NHEJ1: variants seen among roughly 807,000 people sequenced by gnomAD.
The protein encoded by NHEJ1 is non-homologous end-joining factor 1.
Under a neutral mutation model 39.4 loss-of-function variants are expected in NHEJ1, and 22 were observed. The ratio of observed to expected loss-of-function variants is 0.56; its 90% CI spans 0.40 to 0.80. The LOEUF is 0.80. NHEJ1 is among the 30% of genes least tolerant of loss of function. The probability of loss-of-function intolerance (pLI) is 0.00; values close to 1 mark genes in which losing one functional copy is unlikely to be tolerated. For synonymous variants in NHEJ1, 154 were observed against 135.6 expected (o/e 1.14, Z -0.94); for missense variants, 329 against 357.1 (o/e 0.92, Z 0.63).
chr2:219,159,791 G>T (rs1184914237), intron 1 of NHEJ1, among the ~76,000 whole-genome samples: 2 of 95,176 alleles, frequency 2.1e-5, no homozygotes, highest in Non-Finnish European at 5.6e-5. Flanking sequence ...GAATAAAGTC[G>T]CCACTTTCAT....
chr2:219,111,628 G>GACACACACACACAC lies in NHEJ1; in HGVS notation c.589-33436_589-33423dup, dbSNP rs368706049. On this transcript the variant is annotated intron_variant, in intron 5 of 7. Transcript: ENST00000356853. This position sits in a 1 kb window ranked among gnomAD's most constrained non-coding sequence, Gnocchi z 4.1. ...GAATTAAGTCTACAGTGTGAATACAGACACACACACACACACACACACACA... is the reference window on the plus strand; with the variant it reads ...GAATTAAGTCTACAGTGTGAATACAGACACACACACACACACACACACACACACACACACACACA... Among the ~76,000 whole-genome samples the GACACACACACACAC allele has an allele frequency of 0.043, 5,968 of 138,152 alleles. 136 individuals are homozygous for GACACACACACACAC. Among genetic ancestry groups the GACACACACACACAC allele is most frequent in the East Asian group, 0.053 (248 of 4,722 alleles). 90.6% of individuals were successfully genotyped at this position (138,152 alleles called of 152,430 possible).
At chr2:219,154,707 G>A (rs181753074) in intron 3 of NHEJ1, among the ~76,000 whole-genome samples, 1,757 of 151,836 alleles carry the variant, frequency 0.012, 11 homozygotes, top group Non-Finnish European at 0.018. Context: ...AAGCACAATT[G>A]TTCATGAATT....
chr2:219,116,441 TG>T (rs773752362), intron 5 of NHEJ1, among the ~76,000 whole-genome samples: 1 of 152,080 alleles, frequency 6.6e-6, no homozygotes, highest in Non-Finnish European at 1.5e-5. Context: ...ACAGCAGCCT[TG>T]ACCTCCCAGG....
At position 219,105,501 on chromosome 2, in the gene NHEJ1, C is replaced by T. The variant is rs115578702; in HGVS notation, c.589-27295G>A. ...GAGAACAAGGACTTTGCTTTGGTCGCTGCTCTGCCACTGCCTCTAGAACAG... is the reference window on the plus strand; with the variant it reads ...GAGAACAAGGACTTTGCTTTGGTCGTTGCTCTGCCACTGCCTCTAGAACAG... On this transcript the variant is annotated intron_variant, in intron 5 of 7. Transcript: ENST00000356853. Among the ~76,000 whole-genome samples, 867 of 152,326 alleles carry T rather than the reference C, an allele frequency of 5.7e-3. 7 individuals are homozygous for T. The highest frequency in any genetic ancestry group is 0.02 in the African/African-American group (832 of 41,564).
In NHEJ1 at chr2:219,098,345, T is replaced by C. The variant is rs115845964; in HGVS notation, c.589-20139A>G. Among the ~76,000 whole-genome samples the C allele has an allele frequency of 5.1e-3, 769 of 152,274 alleles. 8 individuals are homozygous for C. Among genetic ancestry groups the C allele is most frequent in the Non-Finnish European group, 6.2e-3 (425 of 68,022 alleles). ...TTTAAGGTGGAAGAATAATAGTACATTTGAATACTAATATAACAATCTTAT... is the reference window on the plus strand; with the variant it reads ...TTTAAGGTGGAAGAATAATAGTACACTTGAATACTAATATAACAATCTTAT... On this transcript the variant is annotated intron_variant, in intron 5 of 7. Coordinates refer to ENST00000356853, the MANE Select transcript of NHEJ1 (RefSeq NM_024782.3).
intron 5 of NHEJ1, among the ~76,000 whole-genome samples, chr2:219,113,539 T>G (rs1455028752): frequency 6.6e-6 from 1 of 152,182 alleles, no homozygotes; most frequent in Non-Finnish European, 1.5e-5. Context: ...TTTCTCTGGC[T>G]TTGTCCTTCT....
chr2:219,092,246 A>G (rs1342274492), intron 5 of NHEJ1, among the ~76,000 whole-genome samples: 1 of 151,712 alleles, frequency 6.6e-6, no homozygotes, highest in Non-Finnish European at 1.5e-5. Context: ...GTGAGCTGTG[A>G]TTGTGTCACT....
chr2:219,153,442 A>T (rs1949817082), intron 3 of NHEJ1, among the ~76,000 whole-genome samples: 2 of 152,210 alleles, frequency 1.3e-5, no homozygotes. Flanking sequence ...TGAAAGCTAA[A>T]ATGTGGAATA....
intron 5 of NHEJ1, among the ~76,000 whole-genome samples, chr2:219,092,553 G>A (rs1440552645): frequency 6.6e-6 from 1 of 152,204 alleles, no homozygotes; most frequent in Non-Finnish European, 1.5e-5. Context: ...CTAATATACA[G>A]TGTCTTTTGC....
chr2:219,141,536 A>G (rs971022979), intron 5 of NHEJ1, among the ~76,000 whole-genome samples: 6 of 152,158 alleles, frequency 3.9e-5, no homozygotes. Context: ...GTGACTCCCA[A>G]ATTTCTAGCT....
At chr2:219,120,684 G>T (rs1949463296) in intron 5 of NHEJ1, among the ~76,000 whole-genome samples, 1 of 152,100 alleles carries the variant, frequency 6.6e-6, no homozygotes, top group Non-Finnish European at 1.5e-5. Flanking sequence ...TTATATGCAA[G>T]TATTTCCCCC....
rs1949369453 is a variant in NHEJ1 at position 219,111,905 on chromosome 2, G to A, written c.589-33699C>T. The stretch of plus-strand genomic sequence containing the variant: ...GATGGGGCGAGGCCATGCTTTAGGG[G>A]TGGGGGGATGAATGAGAGGGGCAGG... On this transcript the variant is annotated intron_variant, in intron 5 of 7. Transcript: ENST00000356853. The surrounding 1 kb of genome is among the most constrained non-coding windows in gnomAD (Gnocchi z 4.1). Among the ~76,000 whole-genome samples, 1 of 152,168 alleles carries A rather than the reference G, an allele frequency of 6.6e-6. No individual in the cohort carries two copies. The highest frequency in any genetic ancestry group is 2.1e-4 in the South Asian group (1 of 4,828).
Position 219,075,068 on chromosome 2 carries a change from T to G in NHEJ1, c.*1313A>C, listed in dbSNP as rs1948999927. Among the ~76,000 whole-genome samples the G allele has an allele frequency of 6.6e-6, 1 of 152,192 alleles. No homozygotes were observed. ...CAGTGGGAGACTGGAAAGAAGAACC[T>G]AATGTCCTTTCTGGAAAATAAATGT... On this transcript the variant is annotated 3_prime_UTR_variant, in exon 8 of 8. Coordinates refer to ENST00000356853, the MANE Select transcript of NHEJ1 (RefSeq NM_024782.3).
At chr2:219,104,132 C>G (rs1483321027) in intron 5 of NHEJ1, among the ~76,000 whole-genome samples, 2 of 151,946 alleles carry the variant, frequency 1.3e-5, no homozygotes, top group Non-Finnish European at 2.9e-5. Context: ...TGAACAAAGT[C>G]AGGGTCACCG....
rs1287010840 is a variant in NHEJ1 at position 219,095,880 on chromosome 2, A to G, written c.589-17674T>C. ...AATTGGGCCTAGGTAGAGAAGCTTT[A>G]AAAAAAAAACTGGCAAAGGGTAAGA... On this transcript the variant is annotated intron_variant, in intron 5 of 7. Coordinates refer to ENST00000356853, the MANE Select transcript of NHEJ1 (RefSeq NM_024782.3). Among the ~76,000 whole-genome samples the G allele has an allele frequency of 6.7e-5, 10 of 149,354 alleles. 1 individual carries two copies. Among genetic ancestry groups the G allele is most frequent in the Admixed American group, 6.7e-4 (10 of 14,940 alleles).
chr2:219,119,252 C>T (rs1048844247), intron 5 of NHEJ1, among the ~76,000 whole-genome samples: 4 of 152,110 alleles, frequency 2.6e-5, no homozygotes, highest in Non-Finnish European at 5.9e-5. Flanking sequence ...TGTCAAAAGA[C>T]AGAAACAAAT....
chr2:219,160,089 T>G (rs1182371581), intron 1 of NHEJ1, among the ~76,000 whole-genome samples: 1 of 152,188 alleles, frequency 6.6e-6, no homozygotes, highest in Non-Finnish European at 1.5e-5. Flanking sequence ...CCTTCAAGGC[T>G]GCCTCTAACA....
intron 5 of NHEJ1, among the ~76,000 whole-genome samples, chr2:219,079,755 C>A (rs1949045861): frequency 6.6e-6 from 1 of 152,232 alleles, no homozygotes; most frequent in African/African-American, 2.4e-5. Context: ...AGCTCTCTAA[C>A]TCCCAAGACA....
rs1553544990 is a variant in NHEJ1, at chr2:219,111,662, C to CACACACACAG, written c.589-33457_589-33456insCTGTGTGTGT. On this transcript the variant is annotated intron_variant, in intron 5 of 7. Coordinates refer to ENST00000356853, the MANE Select transcript of NHEJ1 (RefSeq NM_024782.3). This position sits in a 1 kb window ranked among gnomAD's most constrained non-coding sequence, Gnocchi z 4.1. ...ACACACACACACACACACACACACACAGAGAGATACATACAGTCAGTGGGA... is the reference window on the plus strand; with the variant it reads ...ACACACACACACACACACACACACACACACACACAGAGAGAGATACATACAGTCAGTGGGA... Among the ~76,000 whole-genome samples, 4 of 148,956 alleles carry CACACACACAG rather than the reference C, an allele frequency of 2.7e-5. No homozygotes were observed. The highest frequency in any genetic ancestry group is 6.0e-5 in the Non-Finnish European group (4 of 66,992).
Sources: allele counts gnomAD v4.1 joint callset (sites outside exome capture counted in the v4.1 genomes callset), GRCh38; gene constraint gnomAD v4.1.1; non-coding constraint Gnocchi (gnomAD v3.1); transcripts MANE v1.5; gene names NCBI Gene and HGNC (gene_info 2026-07-23, HGNC 2026-07-21).